Variants in CADM1 observed in about 807,000 individuals in gnomAD.
CADM1 encodes TSLC-1.
Under a neutral mutation model 53.1 loss-of-function variants are expected in CADM1, and 15 were observed. The observed-to-expected ratio is 0.28, with a 90% CI of 0.19 to 0.44. The LOEUF is 0.44. CADM1 is among the 20% of genes least tolerant of loss of function. The pLI is 1.00. For synonymous variants in CADM1, 281 were observed against 243.0 expected (o/e 1.16, Z -1.45); for missense variants, 434 against 611.3 (o/e 0.71, Z 3.06).
rs188124464 is a variant in CADM1 at position 115,349,297 on chromosome 11, C to A, written c.125-108877G>T. Among the ~76,000 whole-genome samples, 46 of 152,172 alleles carry A rather than the reference C, an allele frequency of 3.0e-4. No homozygotes were observed. In the East Asian group the frequency reaches 8.5e-3, roughly 28 times the overall value. On this transcript the variant is annotated intron_variant, in intron 1 of 11. Transcript: ENST00000331581. ...AAACCTATTAGTTTTGAATATTTAT[C>A]CAGATTACATTTCATATGCAAGATT...
chr11:115,263,050 T>A (rs1440192092), intron 1 of CADM1, among the ~76,000 whole-genome samples: 1 of 152,258 alleles, frequency 6.6e-6, no homozygotes, highest in Non-Finnish European at 1.5e-5. Flanking sequence ...TCATGCTTTC[T>A]CATGATAACA....
Position 115,372,437 on chromosome 11 carries a change from C to G in CADM1, c.124+131834G>C, listed in dbSNP as rs58313857. The stretch of plus-strand genomic sequence containing the variant: ...GAATCAGACTGAGCAGTTGCTCCCC[C>G]ACTTATAAGATGTGTGATCTAAATC... On this transcript the variant is annotated intron_variant, in intron 1 of 11. Transcript: ENST00000331581. Among the ~76,000 whole-genome samples the G allele has an allele frequency of 2.0e-3, 304 of 152,236 alleles. 2 individuals carry two copies. Among genetic ancestry groups the G allele is most frequent in the African/African-American group, 6.9e-3 (288 of 41,554 alleles).
intron 1 of CADM1, among the ~76,000 whole-genome samples, chr11:115,465,366 A>G (rs184288300): frequency 3.9e-4 from 60 of 152,298 alleles, no homozygotes; most frequent in Admixed American, 1.6e-3. Flanking sequence ...CTGGTTCTAG[A>G]TAGCTCTGTT....
At chr11:115,291,515 T>C (rs1296107903) in intron 1 of CADM1, among the ~76,000 whole-genome samples, 2 of 152,214 alleles carry the variant, frequency 1.3e-5, no homozygotes, top group Non-Finnish European at 1.5e-5. Context: ...AGCTCATTTC[T>C]CACCAATCCA....
At chr11:115,415,260 T>C (rs1947564169) in intron 1 of CADM1, among the ~76,000 whole-genome samples, 1 of 151,968 alleles carries the variant, frequency 6.6e-6, no homozygotes, top group African/African-American at 2.4e-5. Flanking sequence ...CAATTTCTAA[T>C]CTATAAATGG....
At chr11:115,231,045 G>A (rs181572443) in intron 4 of CADM1, among the ~76,000 whole-genome samples, 3 of 152,290 alleles carry the variant, frequency 2.0e-5, no homozygotes, top group Non-Finnish European at 2.9e-5. Flanking sequence ...CCTGAGCTCA[G>A]GAGACAGCCC....
At chr11:115,226,457 T>G (rs1298988959) in intron 5 of CADM1, among the ~76,000 whole-genome samples, 2 of 152,176 alleles carry the variant, frequency 1.3e-5, no homozygotes, top group Non-Finnish European at 2.9e-5. Context: ...AAGGGGCCAA[T>G]GATCCCCAAA....
chr11:115,342,789 C>T (rs539980229), intron 1 of CADM1, among the ~76,000 whole-genome samples: 1 of 152,166 alleles, frequency 6.6e-6, no homozygotes, highest in South Asian at 2.1e-4. Context: ...CACTAGATTA[C>T]AAAGTCAATA....
intron 1 of CADM1, among the ~76,000 whole-genome samples, chr11:115,311,690 TGA>T (rs1440173602): frequency 6.6e-6 from 1 of 152,106 alleles, no homozygotes; most frequent in Non-Finnish European, 1.5e-5. Context: ...GAAAACAGGC[TGA>T]GAGTGGGCAT....
intron 1 of CADM1, among the ~76,000 whole-genome samples, chr11:115,295,245 A>T (rs1421508457): frequency 1.3e-5 from 2 of 151,964 alleles, no homozygotes; most frequent in Non-Finnish European, 2.9e-5. Flanking sequence ...AGCATTCAAC[A>T]AGTTCACGGC....
intron 1 of CADM1, among the ~76,000 whole-genome samples, chr11:115,279,562 T>C (rs1292486906): frequency 6.6e-6 from 1 of 152,252 alleles, no homozygotes; most frequent in Non-Finnish European, 1.5e-5. Context: ...TCTTTCATTT[T>C]ACAAGTTATA....
chr11:115,337,479 C>T (rs1945297658), intron 1 of CADM1, among the ~76,000 whole-genome samples: 1 of 151,962 alleles, frequency 6.6e-6, no homozygotes, highest in African/African-American at 2.4e-5. Flanking sequence ...CGACCTGCAC[C>T]CCTCCTTTCT....
chr11:115,273,525 A>G (rs536902651), intron 1 of CADM1, among the ~76,000 whole-genome samples: 1 of 152,320 alleles, frequency 6.6e-6, no homozygotes, highest in South Asian at 2.1e-4. Context: ...GATCTTTGTT[A>G]CTAGAAGTAT....
chr11:115,195,915 T>C (rs987172694), intron 9 of CADM1, among the ~76,000 whole-genome samples: 1 of 152,228 alleles, frequency 6.6e-6, no homozygotes, highest in Non-Finnish European at 1.5e-5. Context: ...AAAGAATGTA[T>C]TTATAAGTGT....
Position 115,355,837 on chromosome 11 carries a change from T to A in CADM1, c.125-115417A>T, listed in dbSNP as rs371332477. On this transcript the variant is annotated intron_variant, in intron 1 of 11. Coordinates refer to ENST00000331581, the MANE Select transcript of CADM1 (RefSeq NM_001301043.2). ...CTGAGGTAGGTTTTGTTTATTTTTG[T>A]TTTTTGTTTTTTGAGACGGAGTCTC... 9.9e-5 allele frequency among the ~76,000 whole-genome samples: 15 copies of A among 152,258 alleles called. No individual in the cohort carries two copies. In the East Asian group the frequency reaches 1.5e-3, roughly 16 times the overall value.
At chr11:115,214,855 G>A in intron 6 of CADM1, 75 bp from the exon 7 acceptor site, 1 of 1,377,714 alleles carries the variant, frequency 7.3e-7, no homozygotes, top group Non-Finnish European at 1.0e-6. Context: ...CACATGCAGG[G>A]TGACACAATT....
intron 1 of CADM1, among the ~76,000 whole-genome samples, chr11:115,475,877 C>T (rs1949119883): frequency 6.6e-6 from 1 of 152,080 alleles, no homozygotes; most frequent in African/African-American, 2.4e-5. Flanking sequence ...AGTAGATATA[C>T]AATTCTATGC....
chr11:115,474,974 G>T (rs1949099551), intron 1 of CADM1, among the ~76,000 whole-genome samples: 1 of 152,118 alleles, frequency 6.6e-6, no homozygotes, highest in Non-Finnish European at 1.5e-5. Flanking sequence ...TATATATTGT[G>T]GTGGGAAAAC....
chr11:115,341,007 G>A (rs113805736), intron 1 of CADM1, among the ~76,000 whole-genome samples: 486 of 151,928 alleles, frequency 3.2e-3, no homozygotes, highest in Non-Finnish European at 5.4e-3. Context: ...TTGTTATAAA[G>A]TCTCTAAAAT....
Sources: allele counts gnomAD v4.1 joint callset (sites outside exome capture counted in the v4.1 genomes callset), GRCh38; gene constraint gnomAD v4.1.1; transcripts MANE v1.5; gene names NCBI Gene and HGNC (gene_info 2026-07-23, HGNC 2026-07-21).